Variants in BMS1 observed in about 807,000 individuals in gnomAD.
BMS1 encodes BMS1 ribosome biogenesis factor, also known as ribosome biogenesis protein BMS1 homolog.
BMS1 carries 53 observed loss-of-function variants against 138.7 expected under a neutral mutation model. That is an observed-to-expected ratio of 0.38 (90% confidence interval 0.31 to 0.48). The LOEUF (loss-of-function observed/expected upper bound fraction) is 0.48. BMS1 is among the 20% of genes least tolerant of loss of function. The probability of loss-of-function intolerance (pLI) is 0.97; values close to 1 mark genes in which losing one functional copy is unlikely to be tolerated. For synonymous variants in BMS1, 504 were observed against 539.9 expected, an observed-to-expected ratio of 0.93 and a Z score of 0.92; for missense variants, 1,360 against 1,565.5, an observed-to-expected ratio of 0.87 and a Z score of 2.22.
At chr10:42,828,437 C>G (rs1842715822) in intron 21 of BMS1, among the ~76,000 whole-genome samples, 1 of 152,184 alleles carries the variant, frequency 6.6e-6, no homozygotes, top group Non-Finnish European at 1.5e-5. Flanking sequence ...GAGGGGCACA[C>G]ACACTTCTGC....
At chr10:42,802,959 A>G (rs1311562000) in intron 13 of BMS1, among the ~76,000 whole-genome samples, 2 of 152,154 alleles carry the variant, frequency 1.3e-5, no homozygotes, top group Admixed American at 1.3e-4. Context: ...AGACAGATTC[A>G]TAAGTGTTAG....
At chr10:42,822,384 A>T (rs993203891) in intron 19 of BMS1, among the ~76,000 whole-genome samples, 200 bp downstream of exon 19, 1 of 152,210 alleles carries the variant, frequency 6.6e-6, no homozygotes, top group Admixed American at 6.5e-5. Context: ...CTATTTAGGA[A>T]TTGAGGCTGT....
intron 12 of BMS1, 68 bp downstream of exon 12, chr10:42,798,693 T>C (rs1424449238): frequency 6.3e-7 from 1 of 1,579,872 alleles, no homozygotes; most frequent in East Asian, 2.3e-5. Context: ...GATTATCTGA[T>C]GTCAATATTG....
chr10:42,822,761 G>A (rs1047454155), intron 19 of BMS1, among the ~76,000 whole-genome samples: 1 of 152,192 alleles, frequency 6.6e-6, no homozygotes, highest in Non-Finnish European at 1.5e-5. Context: ...CTGTTTTCAT[G>A]TTCTAAGTGC....
chr10:42,809,929 G>A (rs1052441592), intron 13 of BMS1, among the ~76,000 whole-genome samples: 2 of 150,518 alleles, frequency 1.3e-5, no homozygotes, highest in Non-Finnish European at 2.9e-5. Flanking sequence ...GGGACTACAA[G>A]TGTGTGCTAT....
chr10:42,802,571 A>C (rs112636306), intron 13 of BMS1, among the ~76,000 whole-genome samples: 1 of 152,084 alleles, frequency 6.6e-6, no homozygotes, highest in South Asian at 2.1e-4. Flanking sequence ...AATGAAAAGT[A>C]CATAACATAC....
At chr10:42,785,403 A>C in intron 2 of BMS1, 79 bp from the exon 3 acceptor site, 1 of 1,326,418 alleles carries the variant, frequency 7.5e-7, no homozygotes, top group Non-Finnish European at 1.0e-6. Flanking sequence ...AAAAAAGTCT[A>C]CTTATAAGGT....
rs1292231573 is a variant in BMS1 at position 42,796,681 on chromosome 10, T to C, written c.1437T>C (p.Ala479=). The part of the protein sequence containing the change: ...ENAEMTDQYM[A]VKGIKRRKLE... ...CTGAGATGACTGATCAGTATATGGC[T>C]GTTAAGGGCATCAAACGACGGAAAC... The change falls in exon 10 of 23, where the codon GCT becomes GCC. Residue 479 remains alanine (A), a synonymous_variant. Coordinates refer to ENST00000374518, the MANE Select transcript of BMS1 (RefSeq NM_014753.4). 3 of 1,614,150 alleles carry C rather than the reference T, an allele frequency of 1.9e-6. No homozygotes were observed.
rs1175618964 is a variant in BMS1, at chr10:42,833,553, T to C, written c.*2457T>C. ...CAGCATGTGACTGTACTGACTACTG[T>C]AGGCAGTTGTAACACAGTGGTAAAC... is the stretch of plus-strand genomic sequence containing the variant. On this transcript the variant is annotated 3_prime_UTR_variant, in exon 23 of 23. Transcript: ENST00000374518. 6.6e-6 allele frequency: 1 copy of C among 152,232 alleles called. No homozygotes were observed. The highest frequency in any genetic ancestry group is 1.5e-5 in the Non-Finnish European group (1 of 68,046). The allele number at this position is 152,232 out of a possible 1,614,324, so 9.4% of individuals were successfully genotyped here. A position where few individuals can be genotyped will look rare whatever the true frequency, so the allele number is the denominator to read the frequency against.
At chr10:42,785,977 C>T (rs1210583833) in intron 3 of BMS1, among the ~76,000 whole-genome samples, 1 of 152,300 alleles carries the variant, frequency 6.6e-6, no homozygotes, top group Middle Eastern at 3.4e-3. Flanking sequence ...AGCCACAGTC[C>T]TCTTCCTCCG....
chr10:42,826,206 A>G (rs574248070), intron 21 of BMS1, among the ~76,000 whole-genome samples: 1 of 148,728 alleles, frequency 6.7e-6, no homozygotes, highest in East Asian at 2.0e-4. Context: ...TGCTTAATTT[A>G]TTGGAGAAGT....
chr10:42,783,263 C>A (rs1488117581), intron 1 of BMS1, among the ~76,000 whole-genome samples: 3 of 152,192 alleles, frequency 2.0e-5, no homozygotes, highest in African/African-American at 7.2e-5. Context: ...GCCCAGCTCT[C>A]CTAACTCCTG....
chr10:42,830,362 A>AGGCAAGGTGCCAAAGGAC lies in BMS1; in HGVS notation c.3559_3576dup (p.Gly1187_Asp1192dup). The AGGCAAGGTGCCAAAGGAC allele has an allele frequency of 6.2e-7, 1 of 1,614,026 alleles. No homozygotes were observed. The highest frequency in any genetic ancestry group is 8.5e-7 in the Non-Finnish European group (1 of 1,180,014). ...ACAAGCCCAAGACCCAAGCAAAGGC[A>AGGCAAGGTGCCAAAGGAC]GGCAAGGTGCCAAAGGACAGGCGGA... On this transcript the variant is annotated inframe_insertion, in exon 22 of 23. Coordinates refer to ENST00000374518, the MANE Select transcript of BMS1 (RefSeq NM_014753.4).
rs556400050 is a variant in BMS1 at position 42,802,733 on chromosome 10, T to C, written c.2329+515T>C. 4.0e-5 allele frequency among the ~76,000 whole-genome samples: 6 copies of C among 151,378 alleles called. No individual in the cohort carries two copies. The South Asian group carries it at 1.0e-3, about 26-fold the overall frequency. ...TTAAGTGATGTACTTTTTATAAATT[T>C]TGTCATTAAATTTTTTCAAATATTT... is the stretch of plus-strand genomic sequence containing the variant. On this transcript the variant is annotated intron_variant, in intron 13 of 22. Coordinates refer to ENST00000374518, the MANE Select transcript of BMS1 (RefSeq NM_014753.4).
At chr10:42,827,285 T>C (rs1345365877) in intron 21 of BMS1, among the ~76,000 whole-genome samples, 2 of 152,080 alleles carry the variant, frequency 1.3e-5, no homozygotes, top group Admixed American at 1.3e-4. Context: ...ACAAGCAGGG[T>C]GAGCCAAATA....
chr10:42,804,336 A>G (rs1011167850), intron 13 of BMS1, among the ~76,000 whole-genome samples: 12 of 152,154 alleles, frequency 7.9e-5, no homozygotes, highest in African/African-American at 2.9e-4. Flanking sequence ...TGTTTATACC[A>G]TTTTCCATTG....
In BMS1 at chr10:42,798,619, AGAG is replaced by A; in HGVS notation, c.2246_2247+1del. The A allele has an allele frequency of 6.2e-7, 1 of 1,614,210 alleles. No homozygotes were observed. Among genetic ancestry groups the A allele is most frequent in the Non-Finnish European group, 8.5e-7 (1 of 1,180,012 alleles). On this transcript the variant is annotated inframe_deletion, in exon 12 of 23. Coordinates refer to ENST00000374518, the MANE Select transcript of BMS1 (RefSeq NM_014753.4). ...TGGAGGCCCCCCATGACTGGGATTT[AGAG>A]GAGGTAAGTCTGGGTAGTACATTTG...
At chr10:42,829,593 C>T (rs2132398216) in intron 21 of BMS1, among the ~76,000 whole-genome samples, 1 of 152,180 alleles carries the variant, frequency 6.6e-6, no homozygotes. Flanking sequence ...GCAGGTGGAT[C>T]ACCTGAGGTC....
At chr10:42,794,407 G>A (rs1396567957) in intron 9 of BMS1, among the ~76,000 whole-genome samples, 1 of 152,016 alleles carries the variant, frequency 6.6e-6, no homozygotes, top group African/African-American at 2.4e-5. Context: ...GTAGGTTTCC[G>A]TGGATGTATG....
Sources: gnomAD v4.1 joint callset for allele counts (sites outside exome capture counted in the v4.1 genomes callset) on GRCh38, gnomAD v4.1.1 for gene constraint, MANE v1.5 for transcripts, NCBI Gene and HGNC (gene_info 2026-07-23, HGNC 2026-07-21) for gene names.